LARP4: variants seen among roughly 807,000 people sequenced by gnomAD.
LARP4 encodes La ribonucleoprotein 4, also known as la-related protein 4.
LARP4 carries 29 observed loss-of-function variants against 92.9 expected under a neutral mutation model. The ratio of observed to expected loss-of-function variants is 0.31; its 90% CI spans 0.23 to 0.43. LARP4 has a LOEUF of 0.43. LARP4 is among the 20% of genes least tolerant of loss of function. The pLI is 1.00. For synonymous variants in LARP4, 279 were observed against 284.1 expected (o/e 0.98, Z 0.18); for missense variants, 732 against 860.0 (o/e 0.85, Z 1.86).
chr12:50,458,452 A>AT (rs1355272508), intron 10 of LARP4, among the ~76,000 whole-genome samples: 1 of 151,984 alleles, frequency 6.6e-6, no homozygotes, highest in African/African-American at 2.4e-5. Context: ...AATAATGGTA[A>AT]TTTTTTATGG....
chr12:50,435,267 CT>C (rs1268377385), intron 4 of LARP4, among the ~76,000 whole-genome samples: 1 of 152,154 alleles, frequency 6.6e-6, no homozygotes, highest in East Asian at 1.9e-4. Context: ...AATTGAGATA[CT>C]GTAAAAGTTA....
At chr12:50,461,042 C>T in intron 10 of LARP4, 93 bp from the exon 11 acceptor site, 1 of 930,642 alleles carries the variant, frequency 1.1e-6, no homozygotes, top group Non-Finnish European at 1.7e-6. Context: ...TTTTGAAAAC[C>T]CCAGTACAAC....
chr12:50,435,423 A>AAGATACCT, intron 4 of LARP4, 65 bp from the exon 5 acceptor site: 1 of 955,104 alleles, frequency 1.0e-6, no homozygotes, highest in Non-Finnish European at 1.6e-6. Context: ...AAAAGTGAGT[A>AAGATACCT]AGATACCTCT....
At chr12:50,466,736 A>G (rs975457094) in intron 12 of LARP4, among the ~76,000 whole-genome samples, 9 of 152,234 alleles carry the variant, frequency 5.9e-5, no homozygotes, top group African/African-American at 2.2e-4. Context: ...CAAAGTTTAC[A>G]AAAGAAACAG....
At chr12:50,409,217 T>C (rs1945401663) in intron 1 of LARP4, among the ~76,000 whole-genome samples, 2 of 152,256 alleles carry the variant, frequency 1.3e-5, no homozygotes, top group African/African-American at 4.8e-5. Flanking sequence ...AAACATGGAC[T>C]CTGGGGCCAG....
chr12:50,469,881 C>T (rs547716731), intron 13 of LARP4, among the ~76,000 whole-genome samples: 1 of 152,174 alleles, frequency 6.6e-6, no homozygotes, highest in East Asian at 1.9e-4. Flanking sequence ...TGCACTCCAG[C>T]CTGGGCGACA....
chr12:50,465,656 G>A (rs1430981373), intron 12 of LARP4, among the ~76,000 whole-genome samples: 1 of 152,096 alleles, frequency 6.6e-6, no homozygotes, highest in Non-Finnish European at 1.5e-5. Flanking sequence ...CAGCAGTGTT[G>A]GGTTGAAAAA....
At chr12:50,429,892 G>A (rs1478940372) in intron 3 of LARP4, among the ~76,000 whole-genome samples, 3 of 152,054 alleles carry the variant, frequency 2.0e-5, no homozygotes, top group African/African-American at 7.2e-5. Flanking sequence ...ACCTGCCTTT[G>A]GCCTCCCAAA....
Position 50,400,953 on chromosome 12 carries a change from G to T in LARP4, c.-58G>T. 6.2e-7 allele frequency: 1 copy of T among 1,613,292 alleles called. No individual in the cohort carries two copies. The highest frequency in any genetic ancestry group is 1.1e-5 in the South Asian group (1 of 91,068). On this transcript the variant is annotated 5_prime_UTR_variant, in exon 1 of 16. Transcript: ENST00000398473. ...CCTTATCCTAGCAATTGGGGCGCGG[G>T]CCTGTGAGCCAGTTGGAGTTGCGGC...
intron 1 of LARP4, among the ~76,000 whole-genome samples, chr12:50,426,732 G>T (rs12827827): frequency 2.8e-3 from 144 of 52,042 alleles, no homozygotes; most frequent in Admixed American, 5.1e-3. Context: ...TGTGTGTGTG[G>T]TTTTTTTTTT....
chr12:50,476,405 A>C lies in LARP4; in HGVS notation c.*541A>C, dbSNP rs1406772284. On this transcript the variant is annotated 3_prime_UTR_variant, in exon 16 of 16. Coordinates refer to ENST00000398473, the MANE Select transcript of LARP4 (RefSeq NM_052879.5). ...CCTGTTGTGGGTGTGAGTGTGTACA[A>C]GAGCGATTGAAGCCAAATCTGTTGT... 6.6e-6 allele frequency: 1 copy of C among 152,574 alleles called. No individual in the cohort carries two copies. Among genetic ancestry groups the C allele is most frequent in the Non-Finnish European group, 1.5e-5 (1 of 68,022 alleles). 9.5% of individuals were successfully genotyped at this position (152,574 alleles called of 1,614,324 possible).
chr12:50,436,103 TG>T (rs954812092), intron 5 of LARP4, among the ~76,000 whole-genome samples: 9 of 139,896 alleles, frequency 6.4e-5, no homozygotes, highest in South Asian at 2.3e-4. Flanking sequence ...ATCCCGCTGG[TG>T]TGTGTGTGTG....
chr12:50,435,940 G>A (rs1026042075), intron 5 of LARP4, among the ~76,000 whole-genome samples: 1 of 151,398 alleles, frequency 6.6e-6, no homozygotes, highest in African/African-American at 2.4e-5. Flanking sequence ...ACCACATCTG[G>A]CTAATCTTTA....
At position 50,437,734 on chromosome 12, in the gene LARP4, G is replaced by A; in HGVS notation, c.536-1G>A. ...GTGATACCCTTTCTTTTAAATTTCA[G>A]CTTCTCCCATGGTACAAGTTGATGA... On this transcript the variant is annotated splice_acceptor_variant, in intron 5 of 15. Coordinates refer to ENST00000398473, the MANE Select transcript of LARP4 (RefSeq NM_052879.5). LOFTEE classifies it high-confidence loss of function. The A allele has an allele frequency of 6.3e-7, 1 of 1,577,218 alleles. No individual in the cohort carries two copies. Among genetic ancestry groups the A allele is most frequent in the Non-Finnish European group, 8.7e-7 (1 of 1,149,350 alleles).
chr12:50,468,317 CAG>C (rs1041876008), intron 13 of LARP4, among the ~76,000 whole-genome samples: 1 of 143,458 alleles, frequency 7.0e-6, no homozygotes, highest in Non-Finnish European at 1.5e-5. Flanking sequence ...TTTTTTGAGA[CAG>C]AGTCTCGCTC....
At chr12:50,465,474 C>G (rs995233656) in intron 12 of LARP4, among the ~76,000 whole-genome samples, 1 of 151,774 alleles carries the variant, frequency 6.6e-6, no homozygotes, top group African/African-American at 2.4e-5. Context: ...ACAGGCATGA[C>G]TTCCAGTAGG....
chr12:50,447,184 A>G (rs922558417), intron 8 of LARP4, among the ~76,000 whole-genome samples: 2 of 152,230 alleles, frequency 1.3e-5, no homozygotes, highest in African/African-American at 4.8e-5. Flanking sequence ...GGAAATGCTC[A>G]TTAGAGCCTT....
chr12:50,479,961 G>A lies in LARP4; in HGVS notation c.*4097G>A, dbSNP rs1244573471. 6.6e-6 allele frequency: 1 copy of A among 152,044 alleles called. No individual in the cohort carries two copies. The highest frequency in any genetic ancestry group is 2.4e-5 in the African/African-American group (1 of 41,262). The allele number at this position is 152,044 out of a possible 1,614,324, so 9.4% of individuals were successfully genotyped here. ...TTTTCAACATCGCCAAGGTGCTATGGGAAATTAACAAAATTAGAAAAAAAA... is the reference window on the plus strand; with the variant it reads ...TTTTCAACATCGCCAAGGTGCTATGAGAAATTAACAAAATTAGAAAAAAAA... On this transcript the variant is annotated 3_prime_UTR_variant, in exon 16 of 16. Coordinates refer to ENST00000398473, the MANE Select transcript of LARP4 (RefSeq NM_052879.5).
chr12:50,432,846 G>A (rs1258996206), intron 4 of LARP4, among the ~76,000 whole-genome samples: 1 of 135,644 alleles, frequency 7.4e-6, no homozygotes, highest in African/African-American at 2.7e-5. Flanking sequence ...GGGAATAAGA[G>A]CGAGACTTCG....
Sources: gnomAD v4.1 joint callset for allele counts (sites outside exome capture counted in the v4.1 genomes callset) on GRCh38, gnomAD v4.1.1 for gene constraint, MANE v1.5 for transcripts, NCBI Gene and HGNC (gene_info 2026-07-23, HGNC 2026-07-21) for gene names.